Variants in PIK3CA observed in about 807,000 individuals in gnomAD.
The protein encoded by PIK3CA is phosphatidylinositol-4,5-bisphosphate 3-kinase catalytic subunit alpha.
Under a neutral mutation model 138.2 loss-of-function variants are expected in PIK3CA, and 27 were observed. That is an observed-to-expected ratio of 0.20 (90% CI 0.14 to 0.27). The LOEUF is 0.27. Ranked by LOEUF, PIK3CA falls within the 10% of genes least tolerant of loss-of-function variation. PIK3CA has a pLI of 1.00. For missense variants in PIK3CA, 544 were observed against 1,277.4 expected, an observed-to-expected ratio of 0.43 and a Z score of 8.75; for synonymous variants, 358 against 413.2, an observed-to-expected ratio of 0.87 and a Z score of 1.62.
intron 9 of PIK3CA, among the ~76,000 whole-genome samples, chr3:179,215,756 AT>A: frequency 6.6e-6 from 1 of 152,110 alleles, no homozygotes. Flanking sequence ...AGAATTCAGA[AT>A]TTTTCACTTT....
At chr3:179,225,320 C>G (rs1354072047) in intron 16 of PIK3CA, among the ~76,000 whole-genome samples, 1 of 151,876 alleles carries the variant, frequency 6.6e-6, no homozygotes, top group East Asian at 1.9e-4. Flanking sequence ...AAATTGCAAG[C>G]ATGTTGCAAA....
chr3:179,236,113 T>G lies in PIK3CA; in HGVS notation c.*1749T>G, dbSNP rs1377985666. On this transcript the variant is annotated 3_prime_UTR_variant, in exon 21 of 21. Transcript: ENST00000263967. The stretch of plus-strand genomic sequence containing the variant: ...AAAAATATTCATTTATGAAATCTGT[T>G]ACCTATAGTTGAAGTCTTGAGTAGT... The G allele has an allele frequency of 4.9e-6, 1 of 205,580 alleles. No individual in the cohort carries two copies. Among genetic ancestry groups the G allele is most frequent in the Admixed American group, 5.9e-5 (1 of 16,818 alleles). The allele number at this position is 205,580 out of a possible 1,614,324, so 12.7% of individuals were successfully genotyped here. A position where few individuals can be genotyped will look rare whatever the true frequency, so the allele number is the denominator to read the frequency against.
intron 15 of PIK3CA, 23 bp downstream of exon 15, chr3:179,224,210 G>A (rs746706901): frequency 1.2e-5 from 14 of 1,149,328 alleles, no homozygotes; most frequent in African/African-American, 3.1e-5. Flanking sequence ...GGGTTTCATT[G>A]ATATATTTAA....
chr3:179,198,005 CA>C (rs1724311683), intron 1 of PIK3CA, among the ~76,000 whole-genome samples: 1 of 151,820 alleles, frequency 6.6e-6, no homozygotes, highest in Non-Finnish European at 1.5e-5. Flanking sequence ...TCATTTCAGT[CA>C]GAAGTATTAG....
intron 1 of PIK3CA, among the ~76,000 whole-genome samples, chr3:179,189,013 A>G (rs1576927370): frequency 6.6e-6 from 1 of 152,110 alleles, no homozygotes; most frequent in East Asian, 1.9e-4. Context: ...GGAGTTCAAG[A>G]CCAGCCTGGC....
intron 1 of PIK3CA, among the ~76,000 whole-genome samples, chr3:179,194,187 A>T (rs55961756): frequency 2.0e-4 from 30 of 152,142 alleles, no homozygotes; most frequent in Non-Finnish European, 2.2e-4. Context: ...TAAAAGCATC[A>T]TGTCATTTTT....
chr3:179,198,305 A>C (rs889809800), intron 1 of PIK3CA, among the ~76,000 whole-genome samples: 1 of 152,196 alleles, frequency 6.6e-6, no homozygotes, highest in Non-Finnish European at 1.5e-5. Flanking sequence ...GCATGGTTTT[A>C]CTTATTTTAA....
rs1560150456 is a variant in PIK3CA, at chr3:179,234,090, A to G, written c.2937-4A>G. ...ACTGACCAAACTGTTCTTATTACTT[A>G]TAGGTTTCAGGAGATGTGTTACAAG... On this transcript the variant is annotated splice_region_variant and splice_polypyrimidine_tract_variant and intron_variant, in intron 20 of 20. Transcript: ENST00000263967. This position sits in a 1 kb window ranked among gnomAD's most constrained non-coding sequence, Gnocchi z 5.1. 1.3e-6 allele frequency: 2 copies of G among 1,596,672 alleles called. No homozygotes were observed. Among genetic ancestry groups the G allele is most frequent in the Non-Finnish European group, 1.7e-6 (2 of 1,167,282 alleles).
In PIK3CA at chr3:179,234,919, G is replaced by A. The variant is rs1576950322; in HGVS notation, c.*555G>A. The A allele has an allele frequency of 4.4e-6, 1 of 227,034 alleles. No homozygotes were observed. The highest frequency in any genetic ancestry group is 2.2e-5 in the African/African-American group (1 of 44,896). The allele number at this position is 227,034 out of a possible 1,614,324, so 14.1% of individuals were successfully genotyped here. ...GCTTGTTTAATGAAGAAAAATGCTT[G>A]GGGTGGAAGGGACTCTTGAGATTTC... On this transcript the variant is annotated 3_prime_UTR_variant, in exon 21 of 21. Transcript: ENST00000263967. The surrounding 1 kb of genome is among the most constrained non-coding windows in gnomAD (Gnocchi z 5.1).
At chr3:179,159,512 C>T (rs1323021168) in intron 1 of PIK3CA, among the ~76,000 whole-genome samples, 1 of 152,124 alleles carries the variant, frequency 6.6e-6, no homozygotes, top group East Asian at 1.9e-4. Flanking sequence ...TATATGCTGC[C>T]TCCCTTAATC....
At chr3:179,150,513 A>G (rs1419117894) in intron 1 of PIK3CA, among the ~76,000 whole-genome samples, 2 of 152,178 alleles carry the variant, frequency 1.3e-5, no homozygotes, top group African/African-American at 4.8e-5. Context: ...AAAAAATTTA[A>G]CTAAATTGGT....
At chr3:179,151,118 G>A (rs1723003712) in intron 1 of PIK3CA, among the ~76,000 whole-genome samples, 1 of 152,212 alleles carries the variant, frequency 6.6e-6, no homozygotes, top group South Asian at 2.1e-4. Flanking sequence ...TTCAGCTTTA[G>A]AAGTATATGT....
intron 6 of PIK3CA, among the ~76,000 whole-genome samples, chr3:179,209,287 G>T (rs1025830656): frequency 2.0e-5 from 3 of 151,924 alleles, no homozygotes; most frequent in African/African-American, 7.2e-5. Flanking sequence ...TACTCTTAGT[G>T]TATGAGATTT....
chr3:179,163,969 A>G (rs960695094), intron 1 of PIK3CA, among the ~76,000 whole-genome samples: 42 of 152,172 alleles, frequency 2.8e-4, no homozygotes, highest in Admixed American at 6.5e-4. Flanking sequence ...TGACCCAATA[A>G]TTCTCTTTGC....
chr3:179,170,245 T>A (rs1723527132), intron 1 of PIK3CA, among the ~76,000 whole-genome samples: 1 of 152,216 alleles, frequency 6.6e-6, no homozygotes, highest in Non-Finnish European at 1.5e-5. Flanking sequence ...TCAATAGCTA[T>A]TTTTTTGCCT....
intron 9 of PIK3CA, among the ~76,000 whole-genome samples, chr3:179,213,787 T>A (rs1165143590): frequency 6.6e-6 from 1 of 152,250 alleles, no homozygotes; most frequent in African/African-American, 2.4e-5. Flanking sequence ...AAGTCCTAGA[T>A]GGCATCTTCT....
At chr3:179,216,521 AAAAT>A (rs1724839986) in intron 9 of PIK3CA, among the ~76,000 whole-genome samples, 1 of 152,228 alleles carries the variant, frequency 6.6e-6, no homozygotes, top group East Asian at 1.9e-4. Context: ...ATATAGAAAT[AAAAT>A]AACTCCTTGA....
chr3:179,187,921 G>A (rs371894143), intron 1 of PIK3CA, among the ~76,000 whole-genome samples: 7 of 152,166 alleles, frequency 4.6e-5, no homozygotes, highest in Non-Finnish European at 8.8e-5. Flanking sequence ...ATAGGCATGA[G>A]CCACCATGCC....
chr3:179,188,866 A>G (rs371615678), intron 1 of PIK3CA, among the ~76,000 whole-genome samples: 1 of 152,170 alleles, frequency 6.6e-6, no homozygotes, highest in East Asian at 1.9e-4. Context: ...TTTTGAGCTT[A>G]TATTTTAAGA....
Sources: allele counts gnomAD v4.1 joint callset (sites outside exome capture counted in the v4.1 genomes callset), GRCh38; gene constraint gnomAD v4.1.1; non-coding constraint Gnocchi (gnomAD v3.1); transcripts MANE v1.5; gene names NCBI Gene and HGNC (gene_info 2026-07-23, HGNC 2026-07-21).